Variants in SH3PXD2A observed in about 807,000 individuals in gnomAD.
SH3PXD2A encodes SH3 and PX domains 2A.
A neutral mutation model predicts 115.2 loss-of-function variants in SH3PXD2A; 32 were observed. The ratio of observed to expected loss-of-function variants is 0.28; its 90% CI spans 0.21 to 0.37. SH3PXD2A has a LOEUF of 0.37. Among genes scored for constraint, SH3PXD2A ranks in the 10% least tolerant of loss-of-function variants. The pLI is 1.00. For synonymous variants in SH3PXD2A, 610 were observed against 629.1 expected (o/e 0.97, Z 0.45); for missense variants, 1,328 against 1,498.7 (o/e 0.89, Z 1.88).
intron 2 of SH3PXD2A, among the ~76,000 whole-genome samples, chr10:103,788,881 C>A (rs2039005372): frequency 6.6e-6 from 1 of 151,920 alleles, no homozygotes; most frequent in Non-Finnish European, 1.5e-5. Flanking sequence ...GACTCTGCCT[C>A]AAAAAATAAA....
intron 5 of SH3PXD2A, among the ~76,000 whole-genome samples, chr10:103,707,097 C>G (rs1246363691): frequency 6.6e-6 from 1 of 152,194 alleles, no homozygotes; most frequent in African/African-American, 2.4e-5. Flanking sequence ...CTCCTTCACC[C>G]CTCTCCCTGA....
intron 5 of SH3PXD2A, among the ~76,000 whole-genome samples, chr10:103,702,339 G>C (rs2037924617): frequency 6.6e-6 from 1 of 152,216 alleles, no homozygotes; most frequent in South Asian, 2.1e-4. Flanking sequence ...CCCACGAAAA[G>C]ACAACATACA....
intron 6 of SH3PXD2A, among the ~76,000 whole-genome samples, chr10:103,685,403 C>T (rs1194514298): frequency 6.9e-6 from 1 of 144,740 alleles, no homozygotes; most frequent in East Asian, 2.2e-4. Context: ...AGTTCCTTAA[C>T]TTCCCTTTCC....
intron 5 of SH3PXD2A, among the ~76,000 whole-genome samples, chr10:103,721,074 C>T (rs1008641124): frequency 2.6e-5 from 4 of 152,240 alleles, no homozygotes; most frequent in Admixed American, 2.6e-4. Flanking sequence ...ATAACCCCTG[C>T]TGGCCTGGTG....
Position 103,660,942 on chromosome 10 carries a change from G to T in SH3PXD2A, c.604+41C>A. ...AAAAACCAGCTCGGCCCGGGGGCCA[G>T]ACCGGAACCCCAGTGGACGGCCATT... On this transcript the variant is annotated intron_variant, in intron 8 of 14. Coordinates refer to ENST00000369774, the MANE Select transcript of SH3PXD2A (RefSeq NM_001394015.1). 3 of 1,610,104 alleles carry T rather than the reference G, an allele frequency of 1.9e-6. No individual in the cohort carries two copies. In the South Asian group the frequency reaches 3.3e-5, roughly 18 times the overall value.
intron 8 of SH3PXD2A, among the ~76,000 whole-genome samples, chr10:103,632,760 G>A (rs1372295422): frequency 2.6e-5 from 4 of 152,194 alleles, no homozygotes; most frequent in African/African-American, 9.7e-5. Flanking sequence ...CAGATCACAA[G>A]GTCAAGAGAT....
intron 3 of SH3PXD2A, among the ~76,000 whole-genome samples, chr10:103,739,036 G>A (rs1409148017): frequency 6.6e-6 from 1 of 152,110 alleles, no homozygotes. Flanking sequence ...CAGATGATCC[G>A]CCCACCTTGG....
At chr10:103,646,520 CCTGTCAATCT>C (rs2037039030) in intron 8 of SH3PXD2A, among the ~76,000 whole-genome samples, 1 of 152,158 alleles carries the variant, frequency 6.6e-6, no homozygotes, top group Non-Finnish European at 1.5e-5. Context: ...CCCACACTGA[CCTGTCAATCT>C]CTGGTGCCTC....
chr10:103,835,628 CA>C (rs1047811401), intron 1 of SH3PXD2A, among the ~76,000 whole-genome samples: 4 of 152,182 alleles, frequency 2.6e-5, no homozygotes, highest in African/African-American at 7.2e-5. Flanking sequence ...CCTGGAGGCC[CA>C]GGGGGGTGAA....
rs537445501 is a variant in SH3PXD2A at position 103,665,176 on chromosome 10, C to T, written c.472+3432G>A. 3.3e-5 allele frequency among the ~76,000 whole-genome samples: 5 copies of T among 152,128 alleles called. No individual in the cohort carries two copies. In the South Asian group the frequency reaches 8.3e-4, roughly 25 times the overall value. On this transcript the variant is annotated intron_variant, in intron 7 of 14. Coordinates refer to ENST00000369774, the MANE Select transcript of SH3PXD2A (RefSeq NM_001394015.1). This position sits in a 1 kb window ranked among gnomAD's most constrained non-coding sequence, Gnocchi z 4.0. ...GGAATATGGGAAAATGAGCCAAACT[C>T]GAAGGGAGAAAGGGGAGATGGGGAA...
Position 103,602,924 on chromosome 10 carries a change from G to C in SH3PXD2A, c.2294C>G (p.Ala765Gly), listed in dbSNP as rs151231944. 231 of 1,614,222 alleles carry C rather than the reference G, an allele frequency of 1.4e-4. No homozygotes were observed. The African/African-American group carries it at 2.4e-3, about 17-fold the overall frequency. ...CATCTTCTCTTGGCTCTGCGACTCT[G>C]CTCGGTTTAGGAATGGCTTGGGCCG... is the stretch of plus-strand genomic sequence containing the variant. ...SVRPKPFLNR[A>G]ESQSQEKMDI... is the part of the protein sequence containing the mutation. The change falls in exon 15 of 15, where the codon GCA becomes GGA. Residue 765 changes from alanine (A) to glycine (G), a missense_variant. By Grantham distance (60) the Ala-to-Gly change is moderately conservative (BLOSUM62 0). Coordinates refer to ENST00000369774, the MANE Select transcript of SH3PXD2A (RefSeq NM_001394015.1).
chr10:103,769,241 A>G (rs1426101304), intron 2 of SH3PXD2A, among the ~76,000 whole-genome samples: 9 of 151,632 alleles, frequency 5.9e-5, no homozygotes, highest in Non-Finnish European at 1.5e-5. Context: ...TCCAGCTCTA[A>G]CACACAATTT....
At chr10:103,799,849 G>A (rs2039130316) in intron 2 of SH3PXD2A, among the ~76,000 whole-genome samples, 1 of 152,228 alleles carries the variant, frequency 6.6e-6, no homozygotes, top group African/African-American at 2.4e-5. Flanking sequence ...AAGAAGGCTG[G>A]AGAGTAGGGA....
chr10:103,689,507 C>G (rs1216029699), intron 6 of SH3PXD2A, among the ~76,000 whole-genome samples: 2 of 151,974 alleles, frequency 1.3e-5, no homozygotes, highest in East Asian at 3.9e-4. Flanking sequence ...TCTACTAAAA[C>G]TGCAAAAATT....
At chr10:103,846,419 A>G (rs956655112) in intron 1 of SH3PXD2A, among the ~76,000 whole-genome samples, 4 of 152,262 alleles carry the variant, frequency 2.6e-5, no homozygotes, top group Non-Finnish European at 5.9e-5. Flanking sequence ...TAAGAGCCTA[A>G]GTACTCCTGA....
chr10:103,818,004 T>C (rs2134285902), intron 1 of SH3PXD2A, among the ~76,000 whole-genome samples: 1 of 152,262 alleles, frequency 6.6e-6, no homozygotes, highest in Admixed American at 6.5e-5. Flanking sequence ...TGGTTGAGAG[T>C]TGCACTATCT....
chr10:103,731,804 T>C (rs1220694432), intron 4 of SH3PXD2A, among the ~76,000 whole-genome samples: 3 of 152,140 alleles, frequency 2.0e-5, no homozygotes, highest in Non-Finnish European at 4.4e-5. Flanking sequence ...TGCCATGCAA[T>C]AGCCTCAGTT....
intron 5 of SH3PXD2A, among the ~76,000 whole-genome samples, chr10:103,721,960 G>A (rs567792522): frequency 2.0e-5 from 3 of 151,892 alleles, no homozygotes; most frequent in Non-Finnish European, 4.4e-5. Context: ...TCAAATTCCC[G>A]CTCTAGCTGT....
At chr10:103,817,221 G>A (rs1003969813) in intron 1 of SH3PXD2A, among the ~76,000 whole-genome samples, 5 of 151,310 alleles carry the variant, frequency 3.3e-5, no homozygotes, top group African/African-American at 4.9e-5. Flanking sequence ...AACTTACGTC[G>A]TGGGGCTTTG....
Sources: allele counts gnomAD v4.1 joint callset (sites outside exome capture counted in the v4.1 genomes callset), GRCh38; gene constraint gnomAD v4.1.1; non-coding constraint Gnocchi (gnomAD v3.1); transcripts MANE v1.5; gene names NCBI Gene and HGNC (gene_info 2026-07-23, HGNC 2026-07-21).